Variants in NUP153 observed in about 807,000 individuals in gnomAD.
The protein encoded by NUP153 is nucleoporin 153.
NUP153 carries 27 observed loss-of-function variants against 134.6 expected under a neutral mutation model. That is an observed-to-expected ratio of 0.20 (90% CI 0.15 to 0.28). The LOEUF is 0.28. NUP153 is among the 10% of genes least tolerant of loss of function. The pLI is 1.00. For synonymous variants in NUP153, 640 were observed against 623.5 expected (o/e 1.03, Z -0.40); for missense variants, 1,821 against 1,731.3 (o/e 1.05, Z -0.92).
rs548877747 is a variant in NUP153 at position 17,675,657 on chromosome 6, G to T, written c.448C>A (p.Pro150Thr). The change falls in exon 3 of 22, where the codon CCA becomes ACA. Residue 150 changes from proline to threonine, a missense_variant. By Grantham distance (38) the Pro-to-Thr change is conservative. Coordinates refer to ENST00000262077, the MANE Select transcript of NUP153 (RefSeq NM_005124.4). The surrounding 1 kb of genome is among the most constrained non-coding windows in gnomAD (Gnocchi z 4.4). ...ATTGGGAATGCCGAGGATGTAGATG[G>T]CTGACAGTGTAATGCAGGGGATTCC... Reference protein sequence around the residue: ...MLESPALHCQPSTSSAFPIGS... With the variant: ...MLESPALHCQTSTSSAFPIGS... 5 of 1,614,058 alleles carry T rather than the reference G, an allele frequency of 3.1e-6. No homozygotes were observed. The highest frequency in any genetic ancestry group is 4.2e-6 in the Non-Finnish European group (5 of 1,180,034).
chr6:17,649,598 T>C (rs1049785588), intron 11 of NUP153, among the ~76,000 whole-genome samples: 1 of 152,196 alleles, frequency 6.6e-6, no homozygotes, highest in Non-Finnish European at 1.5e-5. Context: ...CATAAAGTTA[T>C]ATATAGTAGC....
Position 17,688,110 on chromosome 6 carries a change from T to A in NUP153, c.334+286A>T, listed in dbSNP as rs1163779000. ...TCCAGCCTGGGCCACAGAGCGAGAC[T>A]CCGTCTCAAAAAACAAAAAAAAGAA... On this transcript the variant is annotated intron_variant, in intron 2 of 21. Coordinates refer to ENST00000262077, the MANE Select transcript of NUP153 (RefSeq NM_005124.4). Among the ~76,000 whole-genome samples, 6 of 151,658 alleles carry A rather than the reference T, an allele frequency of 4.0e-5. No homozygotes were observed. In the East Asian group the frequency reaches 9.7e-4, roughly 25 times the overall value.
intron 1 of NUP153, among the ~76,000 whole-genome samples, chr6:17,700,933 T>A (rs1561915838): frequency 6.6e-6 from 1 of 152,170 alleles, no homozygotes; most frequent in Non-Finnish European, 1.5e-5. Context: ...TTCCCCTTTT[T>A]AAAAATAGCT....
At chr6:17,654,352 G>A (rs1023538390) in intron 11 of NUP153, among the ~76,000 whole-genome samples, 2 of 149,148 alleles carry the variant, frequency 1.3e-5, no homozygotes, top group African/African-American at 2.5e-5. Flanking sequence ...ACGGAGTTTC[G>A]ATCTTGTTGC....
At position 17,629,331 on chromosome 6, in the gene NUP153, T is replaced by C. The variant is rs1477516209; in HGVS notation, c.2868A>G (p.Ile956Met). The change falls in exon 18 of 22, where the codon ATA becomes ATG. Residue 956 changes from isoleucine (I) to methionine (M), a missense_variant. Physicochemically the swap from Ile to Met is conservative, Grantham distance 10. Coordinates refer to ENST00000262077, the MANE Select transcript of NUP153 (RefSeq NM_005124.4). ...ATGAAACTCCAAATTTAAAATCTCCTATTGGTTTAGAAAATTTAAAGCCTT... is the reference window on the plus strand; with the variant it reads ...ATGAAACTCCAAATTTAAAATCTCCCATTGGTTTAGAAAATTTAAAGCCTT... Reference protein sequence around the residue: ...MSEGFKFSKPIGDFKFGVSSE... With the variant: ...MSEGFKFSKPMGDFKFGVSSE... The C allele has an allele frequency of 1.9e-6, 3 of 1,608,360 alleles. No individual in the cohort carries two copies. The highest frequency in any genetic ancestry group is 1.1e-5 in the South Asian group (1 of 89,652).
intron 2 of NUP153, among the ~76,000 whole-genome samples, chr6:17,682,191 C>A (rs1294854353): frequency 6.6e-6 from 1 of 152,062 alleles, no homozygotes; most frequent in Non-Finnish European, 1.5e-5. Context: ...TACACTATAG[C>A]CTATTAAGTG....
intron 1 of NUP153, among the ~76,000 whole-genome samples, chr6:17,703,831 G>A (rs1421030208): frequency 2.0e-5 from 3 of 152,036 alleles, no homozygotes; most frequent in Non-Finnish European, 4.4e-5. Flanking sequence ...AATAGGACAA[G>A]AAGCAAAAGT....
intron 20 of NUP153, among the ~76,000 whole-genome samples, chr6:17,623,689 A>T (rs1764769884): frequency 6.6e-6 from 1 of 152,246 alleles, no homozygotes; most frequent in African/African-American, 2.4e-5. Context: ...ACTCTATGGC[A>T]ATGACAATAA....
chr6:17,653,044 G>A (rs551489479), intron 11 of NUP153, among the ~76,000 whole-genome samples: 1 of 152,080 alleles, frequency 6.6e-6, no homozygotes, highest in African/African-American at 2.4e-5. Flanking sequence ...CCTTAGCTCA[G>A]GAGTTTGAGA....
intron 1 of NUP153, among the ~76,000 whole-genome samples, chr6:17,696,705 A>G (rs1769667794): frequency 6.6e-6 from 1 of 151,980 alleles, no homozygotes; most frequent in Non-Finnish European, 1.5e-5. Context: ...CAGTGAGCCA[A>G]GATGGCGCCA....
intron 14 of NUP153, among the ~76,000 whole-genome samples, chr6:17,642,073 A>C (rs1472762250): frequency 6.6e-6 from 1 of 152,194 alleles, no homozygotes; most frequent in Non-Finnish European, 1.5e-5. Context: ...TCACACAATA[A>C]ACAAAAATTC....
At chr6:17,691,061 G>C (rs1200888613) in intron 1 of NUP153, among the ~76,000 whole-genome samples, 1 of 152,178 alleles carries the variant, frequency 6.6e-6, no homozygotes, top group Admixed American at 6.5e-5. Flanking sequence ...AAAATTGCTT[G>C]GAACTGGCAG....
intron 5 of NUP153, among the ~76,000 whole-genome samples, chr6:17,671,223 G>T (rs1401119966): frequency 6.6e-6 from 1 of 151,780 alleles, no homozygotes; most frequent in Non-Finnish European, 1.5e-5. Context: ...TTTTTGTTGA[G>T]GTTTGTGTCT....
chr6:17,636,834 T>C (rs1426741482), intron 16 of NUP153, among the ~76,000 whole-genome samples: 3 of 152,196 alleles, frequency 2.0e-5, no homozygotes, highest in African/African-American at 7.2e-5. Context: ...TTTTACTCTG[T>C]ACAAAGGTTT....
At chr6:17,623,023 G>C (rs1298671667) in intron 20 of NUP153, among the ~76,000 whole-genome samples, 1 of 151,886 alleles carries the variant, frequency 6.6e-6, no homozygotes, top group Non-Finnish European at 1.5e-5. Flanking sequence ...CCAGCTACTT[G>C]GGAGGCTGAG....
rs1764289589 is a variant in NUP153, at chr6:17,615,942, G to C, written c.*155C>G. The C allele has an allele frequency of 7.4e-6, 4 of 540,480 alleles. No individual in the cohort carries two copies. The highest frequency in any genetic ancestry group is 2.9e-5 in the South Asian group (1 of 34,884). The allele number at this position is 540,480 out of a possible 1,614,324, so 33.5% of individuals were successfully genotyped here. On this transcript the variant is annotated 3_prime_UTR_variant, in exon 22 of 22. Transcript: ENST00000262077. The surrounding 1 kb of genome is among the most constrained non-coding windows in gnomAD (Gnocchi z 5.7). ...AAAAAGGGTGGGTGAGGCAGGGTGG[G>C]GCTTCTGTAACGAAAGAGAAAGGAG...
intron 1 of NUP153, among the ~76,000 whole-genome samples, chr6:17,697,778 C>G (rs1194008629): frequency 1.3e-5 from 2 of 151,776 alleles, no homozygotes; most frequent in Non-Finnish European, 2.9e-5. Context: ...GAAGGCTATT[C>G]TATAACACTA....
intron 9 of NUP153, among the ~76,000 whole-genome samples, chr6:17,664,376 T>C (rs1426640161): frequency 6.6e-6 from 1 of 152,150 alleles, no homozygotes; most frequent in African/African-American, 2.4e-5. Flanking sequence ...AATTGTATGA[T>C]ATGTGAATTA....
intron 1 of NUP153, among the ~76,000 whole-genome samples, chr6:17,689,915 C>A (rs1407870968): frequency 6.6e-6 from 1 of 152,140 alleles, no homozygotes; most frequent in Non-Finnish European, 1.5e-5. Flanking sequence ...ATGTGCTAGA[C>A]ACTATTCTAA....
Sources: allele counts gnomAD v4.1 joint callset (sites outside exome capture counted in the v4.1 genomes callset), GRCh38; gene constraint gnomAD v4.1.1; non-coding constraint Gnocchi (gnomAD v3.1); transcripts MANE v1.5; gene names NCBI Gene and HGNC (gene_info 2026-07-23, HGNC 2026-07-21).